MDGA2: variants seen among roughly 807,000 people sequenced by gnomAD.
MDGA2 encodes the protein MAM domain containing glycosylphosphatidylinositol anchor 2, also known as MAM domain-containing glycosylphosphatidylinositol anchor protein 2.
A neutral mutation model predicts 117.8 loss-of-function variants in MDGA2; 40 were observed. That is an observed-to-expected ratio of 0.34 (90% CI 0.26 to 0.44). The LOEUF is 0.44. MDGA2 is among the 20% of genes least tolerant of loss of function. The pLI is 1.00. For synonymous variants in MDGA2, 452 were observed against 439.0 expected, an observed-to-expected ratio of 1.03 and a Z score of -0.37; for missense variants, 1,123 against 1,250.6, an observed-to-expected ratio of 0.90 and a Z score of 1.54.
At chr14:46,867,722 A>C (rs1177570775) in intron 14 of MDGA2, among the ~76,000 whole-genome samples, 3 of 152,028 alleles carry the variant, frequency 2.0e-5, no homozygotes, top group Non-Finnish European at 4.4e-5. Flanking sequence ...TATTTGAACA[A>C]GTTTTATATC....
At chr14:47,312,558 A>G (rs1363813229) in intron 1 of MDGA2, among the ~76,000 whole-genome samples, 1 of 152,050 alleles carries the variant, frequency 6.6e-6, no homozygotes, top group East Asian at 1.9e-4. Context: ...TTTTTAAGGC[A>G]GTGGCACCAT....
chr14:47,162,056 C>G (rs1883663448), intron 3 of MDGA2, among the ~76,000 whole-genome samples: 1 of 146,328 alleles, frequency 6.8e-6, no homozygotes, highest in South Asian at 2.2e-4. Flanking sequence ...AGTGATTCTC[C>G]TGACTTAGCC....
At chr14:47,252,536 G>C (rs1445468335) in intron 2 of MDGA2, among the ~76,000 whole-genome samples, 1 of 152,018 alleles carries the variant, frequency 6.6e-6, no homozygotes, top group African/African-American at 2.4e-5. Flanking sequence ...CAAGAAACAT[G>C]CAGAATTTTA....
intron 2 of MDGA2, among the ~76,000 whole-genome samples, chr14:47,259,228 G>C (rs1030445019): frequency 2.0e-5 from 3 of 151,938 alleles, no homozygotes; most frequent in Non-Finnish European, 4.4e-5. Flanking sequence ...ATAATGGGTG[G>C]GGGAGGAGAA....
At chr14:46,967,692 A>T (rs988143053) in intron 8 of MDGA2, among the ~76,000 whole-genome samples, 2 of 152,138 alleles carry the variant, frequency 1.3e-5, no homozygotes, top group African/African-American at 2.4e-5. Flanking sequence ...TCCATGCAAG[A>T]TACATTCCAA....
intron 1 of MDGA2, among the ~76,000 whole-genome samples, chr14:47,633,354 TC>T (rs1322225817): frequency 6.6e-6 from 1 of 152,172 alleles, no homozygotes; most frequent in East Asian, 1.9e-4. Flanking sequence ...GCTTTGGAAT[TC>T]CAAAGAACTC....
chr14:47,318,823 A>AAGCAAGGAAGGAAGGG (rs1469834808), intron 1 of MDGA2, among the ~76,000 whole-genome samples: 2 of 150,878 alleles, frequency 1.3e-5, no homozygotes, highest in African/African-American at 4.8e-5. Flanking sequence ...GGAAGGAAGG[A>AAGCAAGGAAGGAAGGG]AGGAAGGAAA....
chr14:47,147,290 G>T (rs1258981029), intron 3 of MDGA2, among the ~76,000 whole-genome samples: 1 of 151,788 alleles, frequency 6.6e-6, no homozygotes, highest in Admixed American at 6.6e-5. Flanking sequence ...TTTAGGACAG[G>T]TTTCTGAGAA....
chr14:47,450,448 A>C (rs2138568937), intron 1 of MDGA2, among the ~76,000 whole-genome samples: 1 of 152,222 alleles, frequency 6.6e-6, no homozygotes, highest in Non-Finnish European at 1.5e-5. Context: ...TTGGGAAATA[A>C]TTTCCAAGCA....
chr14:46,995,762 T>C (rs961834400), intron 8 of MDGA2, among the ~76,000 whole-genome samples: 37 of 152,126 alleles, frequency 2.4e-4, no homozygotes, highest in Admixed American at 3.3e-4. Context: ...ATCAAATGTT[T>C]GTAATACAAT....
intron 1 of MDGA2, among the ~76,000 whole-genome samples, chr14:47,637,726 G>A (rs930792675): frequency 7.9e-5 from 12 of 152,154 alleles, no homozygotes; most frequent in Non-Finnish European, 1.8e-4. Context: ...TATCCAAATT[G>A]TAAGTGCAAG....
intron 1 of MDGA2, among the ~76,000 whole-genome samples, chr14:47,530,754 T>A (rs1895081907): frequency 6.6e-6 from 1 of 152,178 alleles, no homozygotes; most frequent in Admixed American, 6.5e-5. Context: ...TGCAGGCTGC[T>A]GGCTAGATCC....
At chr14:47,540,467 C>T (rs1181138586) in intron 1 of MDGA2, among the ~76,000 whole-genome samples, 1 of 150,750 alleles carries the variant, frequency 6.6e-6, no homozygotes, top group African/African-American at 2.4e-5. Flanking sequence ...CGTCCCTCCC[C>T]TATTTTTTCT....
intron 1 of MDGA2, among the ~76,000 whole-genome samples, chr14:47,374,564 C>G (rs1891434030): frequency 1.3e-5 from 2 of 151,912 alleles, no homozygotes; most frequent in Non-Finnish European, 2.9e-5. Context: ...TTTTTCAGTA[C>G]AGAGTTTGCC....
chr14:47,514,489 A>G (rs985482412), intron 1 of MDGA2, among the ~76,000 whole-genome samples: 1 of 152,144 alleles, frequency 6.6e-6, no homozygotes, highest in Non-Finnish European at 1.5e-5. Context: ...TACAAACAAG[A>G]ACACAGGAAA....
chr14:47,314,276 G>A (rs766434352), intron 1 of MDGA2, among the ~76,000 whole-genome samples: 9 of 152,082 alleles, frequency 5.9e-5, no homozygotes, highest in Non-Finnish European at 1.2e-4. Context: ...TGTGCTGGCC[G>A]CAGGTGTACA....
chr14:47,330,151 T>A lies in MDGA2; in HGVS notation c.281-28601A>T, dbSNP rs576310555. On this transcript the variant is annotated intron_variant, in intron 1 of 16. Transcript: ENST00000399232. Reference sequence around the variant, plus strand: ...ACAAGTAGCAATTTTAAAGGTTACATTTCTCTAATTTTTATGAGTGAATTA... The same window carrying A: ...ACAAGTAGCAATTTTAAAGGTTACAATTCTCTAATTTTTATGAGTGAATTA... Among the ~76,000 whole-genome samples, 6 of 152,098 alleles carry A rather than the reference T, an allele frequency of 3.9e-5. 1 individual carries two copies. The highest frequency in any genetic ancestry group is 1.2e-4 in the African/African-American group (5 of 41,544).
intron 1 of MDGA2, among the ~76,000 whole-genome samples, chr14:47,333,856 A>C (rs148437049): frequency 2.6e-5 from 4 of 151,958 alleles, no homozygotes; most frequent in African/African-American, 9.6e-5. Flanking sequence ...CTGTGCCTAC[A>C]TTTTAAAATA....
At chr14:47,141,523 CA>C in intron 4 of MDGA2, among the ~76,000 whole-genome samples, 1 of 152,276 alleles carries the variant, frequency 6.6e-6, no homozygotes, top group African/African-American at 2.4e-5. Flanking sequence ...TAATGTTCTC[CA>C]GATCCACCCA....
Sources: gnomAD v4.1 joint callset for allele counts (sites outside exome capture counted in the v4.1 genomes callset) on GRCh38, gnomAD v4.1.1 for gene constraint, MANE v1.5 for transcripts, NCBI Gene and HGNC (gene_info 2026-07-23, HGNC 2026-07-21) for gene names.